Variants in TRPC4AP observed in about 807,000 individuals in gnomAD.
TRPC4AP encodes the protein short transient receptor potential channel 4-associated protein.
TRPC4AP carries 45 observed loss-of-function variants against 99.0 expected under a neutral mutation model. That is an observed-to-expected ratio of 0.45 (90% CI 0.36 to 0.58). TRPC4AP has a LOEUF of 0.58. Among genes scored for constraint, TRPC4AP ranks in the 20% least tolerant of loss-of-function variants. TRPC4AP has a pLI of 0.00. For missense variants in TRPC4AP, 879 were observed against 985.3 expected, an observed-to-expected ratio of 0.89 and a Z score of 1.44; for synonymous variants, 408 against 385.8, an observed-to-expected ratio of 1.06 and a Z score of -0.67.
intron 1 of TRPC4AP, among the ~76,000 whole-genome samples, chr20:35,089,412 T>G (rs1600679901): frequency 8.1e-6 from 1 of 124,010 alleles, no homozygotes; most frequent in Non-Finnish European, 1.8e-5. Flanking sequence ...TTTTTTTTTT[T>G]TGTAGTAGAG....
chr20:35,026,722 T>C (rs2083039789), intron 8 of TRPC4AP, among the ~76,000 whole-genome samples: 1 of 152,216 alleles, frequency 6.6e-6, no homozygotes, highest in Non-Finnish European at 1.5e-5. Context: ...TGTCTTTACA[T>C]TTATTTAGGG....
rs1224304748 is a variant in TRPC4AP at position 35,092,053 on chromosome 20, A to G, written c.168+561T>C. 3.3e-5 allele frequency among the ~76,000 whole-genome samples: 5 copies of G among 152,326 alleles called. No homozygotes were observed. In the East Asian group the frequency reaches 9.6e-4, roughly 29 times the overall value. ...GCCTAATGTGGGAGACGGGCGAGAA[A>G]AAGGCAGACAACAAAGAAATACGAA... On this transcript the variant is annotated intron_variant, in intron 1 of 18. Transcript: ENST00000252015.
chr20:35,045,421 G>A (rs550867178), intron 6 of TRPC4AP, among the ~76,000 whole-genome samples: 21 of 152,098 alleles, frequency 1.4e-4, no homozygotes, highest in Non-Finnish European at 2.1e-4. Flanking sequence ...CTCAAGCTGC[G>A]GAGCAGTAGT....
At chr20:35,066,491 T>C (rs1228146278) in intron 3 of TRPC4AP, among the ~76,000 whole-genome samples, 1 of 152,094 alleles carries the variant, frequency 6.6e-6, no homozygotes, top group Non-Finnish European at 1.5e-5. Flanking sequence ...AGACTAACCA[T>C]AATACCCAGA....
intron 4 of TRPC4AP, among the ~76,000 whole-genome samples, chr20:35,056,697 G>A (rs1600607845): frequency 1.3e-5 from 2 of 151,694 alleles, no homozygotes; most frequent in Non-Finnish European, 2.9e-5. Context: ...ATTAAATACC[G>A]AAGCTGGGTG....
chr20:35,044,756 CAA>C (rs770626264), intron 6 of TRPC4AP, 44 bp from the exon 7 acceptor site: 2 of 1,591,646 alleles, frequency 1.3e-6, no homozygotes, highest in African/African-American at 1.3e-5. Flanking sequence ...TCAATTCACT[CAA>C]GAGATTGGAT....
At chr20:35,031,162 C>T (rs1275155405) in intron 8 of TRPC4AP, among the ~76,000 whole-genome samples, 2 of 152,074 alleles carry the variant, frequency 1.3e-5, no homozygotes, top group Non-Finnish European at 2.9e-5. Flanking sequence ...AGCCACTAAT[C>T]TTATTGGAAT....
intron 17 of TRPC4AP, 28 bp downstream of exon 17, chr20:35,004,430 C>A: frequency 6.3e-7 from 1 of 1,593,114 alleles, no homozygotes; most frequent in East Asian, 2.3e-5. Flanking sequence ...TCGACCTTCC[C>A]TGCTGTGTGT....
In TRPC4AP at chr20:35,010,250, T is replaced by TGTTGAGTAA. The variant is rs2082603721; in HGVS notation, c.1447_1448insTTACTCAAC (p.Glu483delinsValThrGlnGln). On this transcript the variant is annotated protein_altering_variant, in exon 12 of 19. Coordinates refer to ENST00000252015, the MANE Select transcript of TRPC4AP (RefSeq NM_015638.3). Reference sequence around the variant, plus strand: ...GGCCTTGAGAGAGATGGCACTGAGTTCATTCAGCTCCTGGTTGTTGAGTAA... The same window carrying TGTTGAGTAA: ...GGCCTTGAGAGAGATGGCACTGAGTTGTTGAGTAACATTCAGCTCCTGGTTGTTGAGTAA... The TGTTGAGTAA allele has an allele frequency of 6.2e-7, 1 of 1,614,080 alleles. No individual in the cohort carries two copies.
chr20:35,084,747 T>TATATGCATATATATGTATATATTTTC (rs1214211524), intron 1 of TRPC4AP, among the ~76,000 whole-genome samples: 1 of 146,154 alleles, frequency 6.8e-6, no homozygotes, highest in Non-Finnish European at 1.5e-5. Flanking sequence ...TATATATGTT[T>TATATGCATATATATGTATATATTTTC]ATATGCATAT....
chr20:35,032,601 T>C (rs2083227615), intron 8 of TRPC4AP, among the ~76,000 whole-genome samples: 1 of 151,148 alleles, frequency 6.6e-6, no homozygotes, highest in African/African-American at 2.4e-5. Flanking sequence ...GCCTCCCCAG[T>C]AGCTGGGACT....
At chr20:35,012,215 G>A (rs183914531) in intron 11 of TRPC4AP, among the ~76,000 whole-genome samples, 1 of 152,370 alleles carries the variant, frequency 6.6e-6, no homozygotes, top group Admixed American at 6.5e-5. Context: ...TGATGGAGGT[G>A]CCCTGGGGCC....
chr20:35,010,148 CG>C, intron 12 of TRPC4AP, 38 bp downstream of exon 12: 1 of 1,593,244 alleles, frequency 6.3e-7, no homozygotes, highest in Non-Finnish European at 8.6e-7. Context: ...CGTGGGCAGC[CG>C]GGATGGGCTG....
chr20:35,033,063 G>C (rs962462382), intron 8 of TRPC4AP, among the ~76,000 whole-genome samples: 1 of 151,990 alleles, frequency 6.6e-6, no homozygotes, highest in African/African-American at 2.4e-5. Context: ...CGGGTGTGGT[G>C]GCATGCACCT....
intron 4 of TRPC4AP, 82 bp from the exon 5 acceptor site, chr20:35,055,113 A>T (rs2083794824): frequency 2.5e-6 from 3 of 1,206,632 alleles, no homozygotes; most frequent in Non-Finnish European, 3.7e-6. Flanking sequence ...TCAGCATAAG[A>T]ACTGTTATAA....
chr20:35,075,700 T>C (rs1470936466), intron 2 of TRPC4AP, among the ~76,000 whole-genome samples: 1 of 152,200 alleles, frequency 6.6e-6, no homozygotes, highest in Non-Finnish European at 1.5e-5. Flanking sequence ...ATTTTTTCCT[T>C]AATTTCAACT....
intron 7 of TRPC4AP, among the ~76,000 whole-genome samples, chr20:35,044,077 A>G (rs2083500462): frequency 1.3e-5 from 2 of 152,158 alleles, no homozygotes; most frequent in Admixed American, 1.3e-4. Flanking sequence ...GAGCCTTCAC[A>G]TGGATCCATC....
intron 2 of TRPC4AP, among the ~76,000 whole-genome samples, chr20:35,072,511 T>A (rs1455804201): frequency 6.6e-6 from 1 of 152,218 alleles, no homozygotes; most frequent in Non-Finnish European, 1.5e-5. Context: ...GCTAGCCAGT[T>A]TTCCCAGCAC....
intron 9 of TRPC4AP, among the ~76,000 whole-genome samples, chr20:35,019,803 T>C (rs1023234238): frequency 3.3e-5 from 5 of 152,176 alleles, no homozygotes; most frequent in Non-Finnish European, 7.4e-5. Context: ...TCTCATCCAG[T>C]GTCCTGGTTT....
Sources: allele counts gnomAD v4.1 joint callset (sites outside exome capture counted in the v4.1 genomes callset), GRCh38; gene constraint gnomAD v4.1.1; transcripts MANE v1.5; gene names NCBI Gene and HGNC (gene_info 2026-07-23, HGNC 2026-07-21).